CEP63: variants seen among roughly 807,000 people sequenced by gnomAD.
CEP63 encodes centrosomal protein of 63 kDa.
In CEP63, 84 loss-of-function variants were observed where a neutral mutation model predicts 89.1. That is an observed-to-expected ratio of 0.94 (90% CI 0.79 to 1.13). The LOEUF (loss-of-function observed/expected upper bound fraction) is 1.13, where lower values mean the gene tolerates loss of function less well. Among genes scored for constraint, CEP63 ranks in the 50% most tolerant of loss-of-function variants. CEP63 has a pLI of 0.00. For synonymous variants in CEP63, 267 were observed against 272.5 expected (o/e 0.98, Z 0.20); for missense variants, 838 against 813.3 (o/e 1.03, Z -0.37).
At chr3:134,773,388 T>A in the CEP63 span, among the ~76,000 whole-genome samples, 1 of 152,178 alleles carries the variant, frequency 6.6e-6, no homozygotes, top group African/African-American at 2.4e-5. Flanking sequence ...TGGAGGCCAC[T>A]CAAGCTATCC....
the CEP63 span, among the ~76,000 whole-genome samples, chr3:134,614,588 G>A: frequency 2.0e-5 from 3 of 152,010 alleles, no homozygotes; most frequent in African/African-American, 7.2e-5. Context: ...GGGCAGCCAA[G>A]CAGAAGGCAA....
At chr3:134,703,558 A>G in the CEP63 span, among the ~76,000 whole-genome samples, 1 of 152,104 alleles carries the variant, frequency 6.6e-6, no homozygotes, top group Non-Finnish European at 1.5e-5. Flanking sequence ...TCTCACTTAT[A>G]AGTGGGAGCT....
chr3:134,564,802 G>T lies in CEP63; in HGVS notation c.*3267G>T. Reference sequence around the variant, plus strand: ...ACTGCAGCCCGTTTCTGAAACGTTTGTACTACGTGTTGACTAGGAGGAACA... The same window carrying T: ...ACTGCAGCCCGTTTCTGAAACGTTTTTACTACGTGTTGACTAGGAGGAACA... On this transcript the variant is annotated 3_prime_UTR_variant, in exon 15 of 15. Transcript: ENST00000675561. 4 of 985,360 alleles carry T rather than the reference G, an allele frequency of 4.1e-6. No homozygotes were observed. The highest frequency in any genetic ancestry group is 4.8e-6 in the Non-Finnish European group (4 of 829,894). The allele number at this position is 985,360 out of a possible 1,614,324, so 61.0% of individuals were successfully genotyped here.
At chr3:134,658,677 C>G in the CEP63 span, among the ~76,000 whole-genome samples, 5 of 152,336 alleles carry the variant, frequency 3.3e-5, no homozygotes, top group Middle Eastern at 3.4e-3. Flanking sequence ...CTGTGTCTGT[C>G]TCACAGACCT....
chr3:134,706,618 C>T, the CEP63 span, among the ~76,000 whole-genome samples: 1 of 152,176 alleles, frequency 6.6e-6, no homozygotes, highest in Non-Finnish European at 1.5e-5. Context: ...CAAGGTTCAC[C>T]TCTAAGTCTC....
downstream of CEP63, among the ~76,000 whole-genome samples, chr3:134,576,237 G>T (rs1958210127): frequency 6.6e-6 from 1 of 152,146 alleles, no homozygotes; most frequent in African/African-American, 2.4e-5. Flanking sequence ...AAATATTTCT[G>T]CAGTTAAAAT....
At chr3:134,560,637 C>A (rs1260646661) in intron 14 of CEP63, among the ~76,000 whole-genome samples, 1 of 152,282 alleles carries the variant, frequency 6.6e-6, no homozygotes, top group Admixed American at 6.5e-5. Context: ...GTTACCACTT[C>A]TGAACCTCAT....
chr3:134,637,430 A>G, the CEP63 span, among the ~76,000 whole-genome samples: 1 of 152,188 alleles, frequency 6.6e-6, no homozygotes, highest in Non-Finnish European at 1.5e-5. Context: ...ATTGAGAAAC[A>G]TGTTCACTCT....
At chr3:134,740,667 G>A in the CEP63 span, among the ~76,000 whole-genome samples, 7 of 152,246 alleles carry the variant, frequency 4.6e-5, no homozygotes, top group South Asian at 6.2e-4. Context: ...CCTGCTAGCA[G>A]CCTGAACATT....
intron 6 of CEP63, among the ~76,000 whole-genome samples, chr3:134,544,637 G>GGA (rs1046736642): frequency 1.1e-4 from 2 of 18,052 alleles, no homozygotes; most frequent in African/African-American, 2.9e-4. Context: ...TGCTCTAGGT[G>GGA]GGGGGGGGAA....
chr3:134,625,235 C>T, the CEP63 span: 5 of 877,470 alleles, frequency 5.7e-6, no homozygotes, highest in African/African-American at 6.7e-5. Context: ...ACTGTCCAAC[C>T]TTTAACACAA....
the CEP63 span, among the ~76,000 whole-genome samples, chr3:134,658,598 A>G: frequency 6.6e-6 from 1 of 152,234 alleles, no homozygotes; most frequent in Non-Finnish European, 1.5e-5. Flanking sequence ...TGCTGCCAGC[A>G]AGCTGAGACT....
the CEP63 span, among the ~76,000 whole-genome samples, chr3:134,674,685 C>A: frequency 1.3e-5 from 2 of 152,026 alleles, no homozygotes; most frequent in Non-Finnish European, 2.9e-5. Flanking sequence ...CCCAAGGAAT[C>A]CATGAAAAAT....
chr3:134,742,109 T>G, the CEP63 span, among the ~76,000 whole-genome samples: 47 of 152,262 alleles, frequency 3.1e-4, 1 homozygote, highest in African/African-American at 1.1e-3. Context: ...TAGGGCATGA[T>G]GTCCTTCAAC....
chr3:134,627,950 C>T, the CEP63 span: 1 of 704,910 alleles, frequency 1.4e-6, no homozygotes, highest in Admixed American at 2.1e-5. Context: ...TCTCCTTGTT[C>T]CCACCCCACT....
At chr3:134,636,286 T>C in the CEP63 span, among the ~76,000 whole-genome samples, 1 of 152,258 alleles carries the variant, frequency 6.6e-6, no homozygotes, top group Non-Finnish European at 1.5e-5. Flanking sequence ...GTGCACATTC[T>C]TGCTGTGCTT....
chr3:134,519,377 G>A (rs1946948238), intron 3 of CEP63, among the ~76,000 whole-genome samples: 1 of 151,302 alleles, frequency 6.6e-6, no homozygotes, highest in African/African-American at 2.4e-5. Context: ...CAGGTGATCT[G>A]CCCGCCTCAG....
downstream of CEP63, among the ~76,000 whole-genome samples, chr3:134,591,726 A>AG (rs536280812): frequency 3.7e-3 from 560 of 151,540 alleles, 8 homozygotes; most frequent in African/African-American, 0.013. Flanking sequence ...AAAAAAACAA[A>AG]AAAAATTGGT....
the CEP63 span, among the ~76,000 whole-genome samples, chr3:134,677,785 A>C: frequency 1.3e-5 from 2 of 151,286 alleles, no homozygotes; most frequent in Non-Finnish European, 2.9e-5. Flanking sequence ...GTTTGGAAGC[A>C]CCCCCATGGA....
Sources: allele counts gnomAD v4.1 joint callset (sites outside exome capture counted in the v4.1 genomes callset), GRCh38; gene constraint gnomAD v4.1.1; transcripts MANE v1.5; gene names NCBI Gene and HGNC (gene_info 2026-07-23, HGNC 2026-07-21).